The following DNAH7 variants were observed in gnomAD, a reference collection of about 807,000 sequenced individuals.
DNAH7 encodes axonemal beta dynein heavy chain 7.
Under a neutral mutation model 444.6 loss-of-function variants are expected in DNAH7, and 397 were observed. That is an observed-to-expected ratio of 0.89 (90% CI 0.82 to 0.97). The LOEUF is 0.97. DNAH7 is among the 50% of genes least tolerant of loss of function. DNAH7 has a pLI of 0.00. For missense variants in DNAH7, 4,902 were observed against 4,800.8 expected (o/e 1.02, Z -0.62); for synonymous variants, 1,636 against 1,624.4 (o/e 1.01, Z -0.17).
chr2:196,005,259 G>A (rs1694295807), intron 10 of DNAH7, among the ~76,000 whole-genome samples: 1 of 150,970 alleles, frequency 6.6e-6, no homozygotes, highest in South Asian at 2.1e-4. Flanking sequence ...GGGTGACAGG[G>A]CAAGACTCCA....
intron 61 of DNAH7, among the ~76,000 whole-genome samples, chr2:195,765,243 C>T (rs1694516885): frequency 6.6e-6 from 1 of 152,100 alleles, no homozygotes; most frequent in Non-Finnish European, 1.5e-5. Flanking sequence ...GGATTAAAGG[C>T]TTAAATCTAA....
chr2:196,059,596 C>T (rs1403133946), intron 1 of DNAH7, among the ~76,000 whole-genome samples: 1 of 152,214 alleles, frequency 6.6e-6, no homozygotes, highest in Admixed American at 6.5e-5. Flanking sequence ...TGGCTGCCAG[C>T]AGTCAGCAAC....
chr2:195,851,914 T>G (rs1232434655), intron 46 of DNAH7, among the ~76,000 whole-genome samples: 2 of 151,942 alleles, frequency 1.3e-5, no homozygotes, highest in Non-Finnish European at 2.9e-5. Context: ...AACCACTGAG[T>G]GCTAAAGACA....
chr2:195,923,340 C>T (rs1401060935), intron 23 of DNAH7, among the ~76,000 whole-genome samples: 2 of 152,052 alleles, frequency 1.3e-5, no homozygotes, highest in Non-Finnish European at 2.9e-5. Context: ...TCATCATTTT[C>T]GTGTATCTAT....
chr2:195,855,181 G>A (rs900351878), intron 45 of DNAH7, among the ~76,000 whole-genome samples: 1 of 152,132 alleles, frequency 6.6e-6, no homozygotes, highest in African/African-American at 2.4e-5. Context: ...TAGAACAACC[G>A]GCCTTTGTAC....
chr2:196,066,839 A>G (rs2125909488), intron 1 of DNAH7, among the ~76,000 whole-genome samples: 1 of 152,358 alleles, frequency 6.6e-6, no homozygotes, highest in African/African-American at 2.4e-5. Context: ...TGGCATTTCC[A>G]GAAGTTTAAT....
At chr2:196,061,466 C>G (rs1698130213) in intron 1 of DNAH7, among the ~76,000 whole-genome samples, 2 of 152,106 alleles carry the variant, frequency 1.3e-5, no homozygotes, top group South Asian at 4.1e-4. Flanking sequence ...CAAACCCTAC[C>G]AGAACTTCCC....
chr2:195,816,709 T>C lies in DNAH7; in HGVS notation c.9680A>G (p.Tyr3227Cys), dbSNP rs374508639. The change falls in exon 51 of 65, where the codon TAC becomes TGC. Residue 3227 changes from tyrosine (Y) to cysteine (C), a missense_variant. Physicochemically the swap from Tyr to Cys is radical, Grantham distance 194 (BLOSUM62 -2). Transcript: ENST00000312428. ...AATAAACCAGGTCAGTGAATACTGG[T>C]ACATGGGCTCAATGTTGGCTAAATC... The part of the protein sequence containing the change: ...LADLANIEPM[Y>C]QYSLTWFINL... 5 of 1,614,038 alleles carry C rather than the reference T, an allele frequency of 3.1e-6. No homozygotes were observed. The highest frequency in any genetic ancestry group is 4.2e-6 in the Non-Finnish European group (5 of 1,180,022).
At chr2:195,740,603 GTGTGTGTGTGTGTATATATATA>G (rs1422226586) in intron 64 of DNAH7, among the ~76,000 whole-genome samples, 141 bp downstream of exon 64, 1 of 52,026 alleles carries the variant, frequency 1.9e-5, no homozygotes, top group Non-Finnish European at 3.8e-5. Flanking sequence ...GTGTGTGTGT[GTGTGTGTGTGTGTATATATATA>G]TATATATATA....
rs1695039608 is a variant in DNAH7, at chr2:195,775,954, A to T, written c.11094T>A (p.Thr3698=). ...TTTCTGGTGCTGGGGTCAGTGGCAG[A>T]GTCTTTGTGTATTCGATGTAGCTTT... The part of the protein sequence containing the change: ...DHKSYIEYTK[T]LPLTPAPEIF... Residue 3698 remains threonine, a synonymous_variant, in exon 60 of 65, where the codon ACT becomes ACA. Transcript: ENST00000312428. 1 of 1,614,208 alleles carries T rather than the reference A, an allele frequency of 6.2e-7. No homozygotes were observed. The highest frequency in any genetic ancestry group is 2.2e-5 in the East Asian group (1 of 44,882).
Position 195,856,261 on chromosome 2 carries a change from G to T in DNAH7, c.8415-270C>A, listed in dbSNP as rs187199701. On this transcript the variant is annotated intron_variant, in intron 44 of 64. Coordinates refer to ENST00000312428, the MANE Select transcript of DNAH7 (RefSeq NM_018897.3). ...TGATAACTTTCCAAAAGGAGAGTAG[G>T]ATAGTCATGTAGAATATTACAATGT... Among the ~76,000 whole-genome samples the T allele has an allele frequency of 7.2e-4, 110 of 152,276 alleles. 1 individual carries two copies. In the Middle Eastern group the frequency reaches 0.01, roughly 14 times the overall value.
At chr2:196,000,180 G>A (rs1313886251) in intron 12 of DNAH7, among the ~76,000 whole-genome samples, 1 of 152,092 alleles carries the variant, frequency 6.6e-6, no homozygotes, top group Non-Finnish European at 1.5e-5. Flanking sequence ...GCTTCTGATT[G>A]GACTTACAAA....
rs374382600 is a variant in DNAH7 at position 195,960,602 on chromosome 2, C to T, written c.2549G>A (p.Arg850His). ...AGACATGGCCTCCCAGTGCCTGGGG[C>T]GCAAACCAGGATTACAGATCACTTG... ...LIQVICNPGL[R>H]PRHWEAMSAI... The change falls in exon 18 of 65, where the codon CGC (arginine) becomes CAC (histidine). Residue 850 changes from arginine (R) to histidine (H), a missense_variant. Coordinates refer to ENST00000312428, the MANE Select transcript of DNAH7 (RefSeq NM_018897.3). The T allele has an allele frequency of 5.9e-5, 96 of 1,614,044 alleles. No homozygotes were observed. Among genetic ancestry groups the T allele is most frequent in the Non-Finnish European group, 7.5e-5 (88 of 1,180,026 alleles).
chr2:195,909,976 C>A, intron 25 of DNAH7, 51 bp downstream of exon 25: 2 of 1,494,036 alleles, frequency 1.3e-6, no homozygotes, highest in Admixed American at 2.0e-5. Flanking sequence ...TCATAAATAA[C>A]CATCTCTGAT....
intron 24 of DNAH7, among the ~76,000 whole-genome samples, chr2:195,918,320 G>A (rs1687811695): frequency 6.6e-6 from 1 of 152,214 alleles, no homozygotes; most frequent in South Asian, 2.1e-4. Context: ...TGATGGCAAT[G>A]CAAATGGAGT....
rs891525842 is a variant in DNAH7, at chr2:195,883,459, C to A, written c.5763+1126G>T. On this transcript the variant is annotated intron_variant, in intron 35 of 64. Transcript: ENST00000312428. ...CGAGACTCAGTCCCCGCTCCCCCCC[C>A]CCAAAAAAAAAGAATCAGAAACGCT... Among the ~76,000 whole-genome samples the A allele has an allele frequency of 3.0e-4, 45 of 148,764 alleles. 1 individual carries two copies. Among genetic ancestry groups the A allele is most frequent in the East Asian group, 1.6e-3 (8 of 5,094 alleles).
chr2:195,925,414 A>G (rs1297170520), intron 22 of DNAH7, among the ~76,000 whole-genome samples: 1 of 152,188 alleles, frequency 6.6e-6, no homozygotes, highest in Non-Finnish European at 1.5e-5. Flanking sequence ...CACTGAGGAA[A>G]AAGGAAAAAT....
intron 5 of DNAH7, among the ~76,000 whole-genome samples, chr2:196,034,976 T>A (rs1340278217): frequency 6.6e-6 from 1 of 151,102 alleles, no homozygotes; most frequent in Non-Finnish European, 1.5e-5. Flanking sequence ...AGGTCAGGAG[T>A]TTTGAGACCA....
At position 195,907,028 on chromosome 2, in the gene DNAH7, G is replaced by GA. The variant is rs1559210106; in HGVS notation, c.4105-20dup. ...ACAGTCCCTATGAGAAAAGAGTAAT[G>GA]AAAATTTTTGACTTTATCTGATTCA... On this transcript the variant is annotated intron_variant, in intron 25 of 64. Transcript: ENST00000312428. 1 of 1,588,640 alleles carries GA rather than the reference G, an allele frequency of 6.3e-7. No individual in the cohort carries two copies.
Sources: gnomAD v4.1 joint callset for allele counts (sites outside exome capture counted in the v4.1 genomes callset) on GRCh38, gnomAD v4.1.1 for gene constraint, MANE v1.5 for transcripts, NCBI Gene and HGNC (gene_info 2026-07-23, HGNC 2026-07-21) for gene names.